NCLN: variants seen among roughly 807,000 people sequenced by gnomAD.
NCLN encodes the protein nicalin, also known as BOS complex subunit NCLN.
A neutral mutation model predicts 69.5 loss-of-function variants in NCLN; 34 were observed. The ratio of observed to expected loss-of-function variants is 0.49; its 90% CI spans 0.37 to 0.65. NCLN has a LOEUF of 0.65. Ranked by LOEUF, NCLN falls within the 30% of genes least tolerant of loss-of-function variation. The probability of loss-of-function intolerance (pLI) is 0.00; values close to 1 mark genes in which losing one functional copy is unlikely to be tolerated. For missense variants in NCLN, 710 were observed against 804.8 expected, an observed-to-expected ratio of 0.88 and a Z score of 1.42; for synonymous variants, 393 against 358.3, an observed-to-expected ratio of 1.10 and a Z score of -1.09.
At chr19:3,196,370 G>A (rs1352474567) in intron 4 of NCLN, 93 bp downstream of exon 4, 7 of 906,324 alleles carry the variant, frequency 7.7e-6, no homozygotes, top group South Asian at 3.6e-5. Context: ...GAGGGGAGCC[G>A]CTGATGGGAA....
intron 1 of NCLN, among the ~76,000 whole-genome samples, chr19:3,186,583 C>T (rs1413492616): frequency 1.3e-5 from 2 of 152,202 alleles, no homozygotes; most frequent in Non-Finnish European, 2.9e-5. Flanking sequence ...GGGCCCCCTC[C>T]GCCCCTTAGG....
chr19:3,197,566 C>T (rs1227336266), intron 4 of NCLN, among the ~76,000 whole-genome samples: 1 of 151,070 alleles, frequency 6.6e-6, no homozygotes, highest in African/African-American at 2.4e-5. Context: ...CTCGGCCTCC[C>T]GAGTAGCTGG....
chr19:3,203,639 G>C (rs1445475070), intron 6 of NCLN, 117 bp from the exon 7 acceptor site: 2 of 899,438 alleles, frequency 2.2e-6, no homozygotes, highest in African/African-American at 1.7e-5. Flanking sequence ...GGCTGGTCAG[G>C]ATTTCCTGCT....
chr19:3,195,960 T>C (rs1322956811), intron 3 of NCLN, among the ~76,000 whole-genome samples: 3 of 152,086 alleles, frequency 2.0e-5, no homozygotes, highest in African/African-American at 7.2e-5. Context: ...GGAGGAGAAA[T>C]TCCCCAGCAG....
intron 13 of NCLN, 69 bp from the exon 14 acceptor site, chr19:3,207,322 C>CG: frequency 1.2e-6 from 2 of 1,612,280 alleles, no homozygotes; most frequent in Non-Finnish European, 1.7e-6. Context: ...CTGCGGCCCA[C>CG]GGGGGTCTAG....
chr19:3,206,923 G>A (rs1462229939), intron 12 of NCLN, among the ~76,000 whole-genome samples: 1 of 152,190 alleles, frequency 6.6e-6, no homozygotes, highest in Non-Finnish European at 1.5e-5. Context: ...CCGGCTTCAA[G>A]TGATTCTCGG....
chr19:3,207,983 C>G lies in NCLN; in HGVS notation c.*295C>G, dbSNP rs1252783018. Reference sequence around the variant, plus strand: ...CCCCCAGTCCTGGGAGCCGGCCGCCCTCGGTCTGGTGTAAGCACACATGCA... The same window carrying G: ...CCCCCAGTCCTGGGAGCCGGCCGCCGTCGGTCTGGTGTAAGCACACATGCA... On this transcript the variant is annotated 3_prime_UTR_variant, in exon 15 of 15. Transcript: ENST00000246117. The G allele has an allele frequency of 2.2e-6, 1 of 459,198 alleles. No individual in the cohort carries two copies. The highest frequency in any genetic ancestry group is 4.0e-6 in the Non-Finnish European group (1 of 251,194). The allele number at this position is 459,198 out of a possible 1,614,324, so 28.4% of individuals were successfully genotyped here.
rs536869690 is a variant in NCLN at position 3,209,045 on chromosome 19, C to G, written c.*1357C>G. The G allele has an allele frequency of 1.3e-5, 2 of 152,268 alleles. No homozygotes were observed. The highest frequency in any genetic ancestry group is 4.8e-5 in the African/African-American group (2 of 41,400). 9.4% of individuals were successfully genotyped at this position (152,268 alleles called of 1,614,324 possible). A position where few individuals can be genotyped will look rare whatever the true frequency, so the allele number is the denominator to read the frequency against. On this transcript the variant is annotated 3_prime_UTR_variant, in exon 15 of 15. Transcript: ENST00000246117. ...CAAGTCCTGGCCTGGCACCCGCAGC[C>G]GTCTCCCTTCCGTGGCCCAGGGAGG...
intron 3 of NCLN, among the ~76,000 whole-genome samples, chr19:3,194,349 C>CTCCA (rs1915904792): frequency 6.6e-6 from 1 of 152,152 alleles, no homozygotes; most frequent in South Asian, 2.1e-4. Flanking sequence ...CACCATTGCA[C>CTCCA]TCCAGCCTGG....
At chr19:3,202,714 GA>G (rs1365483045) in intron 6 of NCLN, among the ~76,000 whole-genome samples, 1 of 152,066 alleles carries the variant, frequency 6.6e-6, no homozygotes, top group African/African-American at 2.4e-5. Flanking sequence ...AAAGCACTAG[GA>G]TTACAGGTGT....
In NCLN at chr19:3,186,226, C is replaced by T. The variant is rs1195030717; in HGVS notation, c.184+12C>T. On this transcript the variant is annotated intron_variant, in intron 1 of 14. Transcript: ENST00000246117. The stretch of plus-strand genomic sequence containing the variant: ...GGGCCAGCCCTACGGTGCGTGTCCC[C>T]GGCCCACCCTCGGGGCTCCCCGGGC... 12 of 1,495,006 alleles carry T rather than the reference C, an allele frequency of 8.0e-6. No individual in the cohort carries two copies. Among genetic ancestry groups the T allele is most frequent in the Non-Finnish European group, 9.8e-6 (11 of 1,123,572 alleles). The allele number at this position is 1,495,006 out of a possible 1,614,324, so 92.6% of individuals were successfully genotyped here.
chr19:3,194,953 C>T (rs553916509), intron 3 of NCLN, among the ~76,000 whole-genome samples: 8 of 151,780 alleles, frequency 5.3e-5, no homozygotes, highest in African/African-American at 7.2e-5. Context: ...GCAGGAGGAT[C>T]GATTGAGGGC....
chr19:3,204,071 G>A lies in NCLN; in HGVS notation c.956G>A (p.Ser319Asn), dbSNP rs745659722. The change falls in exon 8 of 15, where the codon AGC becomes AAC. Residue 319 changes from serine to asparagine, a missense_variant. Transcript: ENST00000246117. ...LCLDTVGRGSSLHLHVSKPPR... is the reference protein window; with the variant it reads ...LCLDTVGRGSNLHLHVSKPPR... ...CTGGACACCGTGGGCCGGGGCAGCA[G>A]CCTGCACCTGCACGTGTCCAAGCCG... The A allele has an allele frequency of 3.9e-6, 6 of 1,557,998 alleles. No individual in the cohort carries two copies. In the South Asian group the frequency reaches 7.1e-5, roughly 19 times the overall value.
At position 3,204,885 on chromosome 19, in the gene NCLN, G is replaced by T. The variant is rs372450130; in HGVS notation, c.1208+134G>T. On this transcript the variant is annotated intron_variant, in intron 9 of 14. Transcript: ENST00000246117. Reference sequence around the variant, plus strand: ...CAGGCTGCGAGGAAGGGGCCGGTGCGTGGCCAAGGCCGGCTGCACGGTCAG... The same window carrying T: ...CAGGCTGCGAGGAAGGGGCCGGTGCTTGGCCAAGGCCGGCTGCACGGTCAG... The T allele has an allele frequency of 1.1e-4, 109 of 1,003,332 alleles. No individual in the cohort carries two copies. In the African/African-American group the frequency reaches 1.7e-3, roughly 16 times the overall value. 62.2% of individuals were successfully genotyped at this position (1,003,332 alleles called of 1,614,324 possible).
In NCLN at chr19:3,205,978, G is replaced by A; in HGVS notation, c.1248G>A (p.Arg416=). 6.2e-7 allele frequency: 1 copy of A among 1,613,770 alleles called. No homozygotes were observed. Among genetic ancestry groups the A allele is most frequent in the Non-Finnish European group, 8.5e-7 (1 of 1,179,984 alleles). ...CTAAGACCCTGACCCGTAACACGAG[G>A]ATCATTGCAGAGGCCCTGACTCGAG... ...VDSKTLTRNT[R]IIAEALTRVI... Residue 416 remains arginine, a synonymous_variant, in exon 10 of 15, where the codon AGG becomes AGA. Transcript: ENST00000246117. The surrounding 1 kb of genome is among the most constrained non-coding windows in gnomAD (Gnocchi z 4.6).
chr19:3,190,878 A>G (rs1212788048), intron 1 of NCLN, among the ~76,000 whole-genome samples: 1 of 152,130 alleles, frequency 6.6e-6, no homozygotes, highest in Non-Finnish European at 1.5e-5. Flanking sequence ...ATGTGACGTA[A>G]GAATTGGGAT....
rs59113663 is a variant in NCLN at position 3,196,170 on chromosome 19, TC to T, written c.521-10del. ...GCTGGGCCAAGGCTGATGCGCCCTC[TC>T]CCTCTCCCTAGTACTGCTGCGCACG... On this transcript the variant is annotated splice_polypyrimidine_tract_variant and intron_variant, in intron 3 of 14. Transcript: ENST00000246117. The T allele has an allele frequency of 6.3e-3, 9,583 of 1,531,862 alleles. 510 individuals are homozygous for T. The African/African-American group carries it at 0.12, about 19-fold the overall frequency. The allele number at this position is 1,531,862 out of a possible 1,614,324, so 94.9% of individuals were successfully genotyped here.
Position 3,207,403 on chromosome 19 carries a change from C to A in NCLN, c.1566C>A (p.Ala522=). 6.2e-7 allele frequency: 1 copy of A among 1,613,116 alleles called. No individual in the cohort carries two copies. Among genetic ancestry groups the A allele is most frequent in the Non-Finnish European group, 8.5e-7 (1 of 1,180,004 alleles). ...QVMNAYRVKP[A]VFDLLLAVGI... is the part of the protein sequence containing the mutation. ...GCTTTCTCCACAGAGTCAAGCCGGC[C>A]GTCTTTGACCTGCTCCTGGCTGTTG... Residue 522 remains alanine, a synonymous_variant, in exon 14 of 15, where the codon GCC becomes GCA. Transcript: ENST00000246117.
intron 5 of NCLN, 90 bp from the exon 6 acceptor site, chr19:3,201,433 G>T: frequency 1.1e-6 from 1 of 887,038 alleles, no homozygotes; most frequent in South Asian, 1.6e-5. Context: ...GGGGGTGACG[G>T]AGAGATGACT....
Sources: allele counts gnomAD v4.1 joint callset (sites outside exome capture counted in the v4.1 genomes callset), GRCh38; gene constraint gnomAD v4.1.1; non-coding constraint Gnocchi (gnomAD v3.1); transcripts MANE v1.5; gene names NCBI Gene and HGNC (gene_info 2026-07-23, HGNC 2026-07-21).